The following DISC1 variants were observed in gnomAD, a reference collection of about 807,000 sequenced individuals.
DISC1 encodes the protein DISC1 scaffold protein.
In DISC1, 57 loss-of-function variants were observed where a neutral mutation model predicts 84.5. The observed-to-expected ratio is 0.67, with a 90% CI of 0.55 to 0.84. The LOEUF is 0.84. Ranked by LOEUF, DISC1 falls within the 40% of genes least tolerant of loss-of-function variation. DISC1 has a pLI of 0.00. For synonymous variants in DISC1, 411 were observed against 415.2 expected, an observed-to-expected ratio of 0.99 and a Z score of 0.12; for missense variants, 1,000 against 1,057.8, an observed-to-expected ratio of 0.95 and a Z score of 0.76.
rs76471943 is a variant in DISC1, at chr1:231,699,057, A to G, written c.1048-2898A>G. ...TTTGCGTATGCTTCATGTTCCACAG[A>G]GATTTTTGGGGGGCAAGAACCCAGC... is the stretch of plus-strand genomic sequence containing the variant. On this transcript the variant is annotated intron_variant, in intron 2 of 12. Transcript: ENST00000439617. Among the ~76,000 whole-genome samples, 364 of 152,328 alleles carry G rather than the reference A, an allele frequency of 2.4e-3. 2 individuals carry two copies. Among genetic ancestry groups the G allele is most frequent in the Admixed American group, 0.016 (241 of 15,306 alleles).
chr1:231,938,286 C>G (rs926877569), intron 9 of DISC1, among the ~76,000 whole-genome samples: 1 of 152,142 alleles, frequency 6.6e-6, no homozygotes, highest in Non-Finnish European at 1.5e-5. Context: ...TGAGCCCGTA[C>G]AAGTGGAAGA....
intron 9 of DISC1, among the ~76,000 whole-genome samples, chr1:231,866,252 C>T (rs531775151): frequency 6.6e-6 from 1 of 152,230 alleles, no homozygotes; most frequent in East Asian, 1.9e-4. Context: ...CCCTAGAGAA[C>T]CAGAAGATTT....
rs1047051343 is a variant in DISC1, at chr1:231,782,626, T to A, written c.1634+11556T>A. On this transcript the variant is annotated intron_variant, in intron 6 of 12. Coordinates refer to ENST00000439617, the MANE Select transcript of DISC1 (RefSeq NM_018662.3). ...ATTTAGGAGAAGCAAGAATATATTT[T>A]AAAAATTAGTATTAAATATAAATGC... is the stretch of plus-strand genomic sequence containing the variant. Among the ~76,000 whole-genome samples the A allele has an allele frequency of 4.7e-4, 72 of 152,288 alleles. 1 individual carries two copies. Among genetic ancestry groups the A allele is most frequent in the African/African-American group, 1.6e-3 (65 of 41,564 alleles).
At chr1:231,992,726 C>A (rs1665385114) in intron 10 of DISC1, among the ~76,000 whole-genome samples, 1 of 152,148 alleles carries the variant, frequency 6.6e-6, no homozygotes, top group Non-Finnish European at 1.5e-5. Flanking sequence ...ATTGGGATCA[C>A]TTATAAAAAA....
chr1:231,949,344 G>A (rs1657899465), intron 9 of DISC1, among the ~76,000 whole-genome samples: 1 of 152,172 alleles, frequency 6.6e-6, no homozygotes, highest in South Asian at 2.1e-4. Flanking sequence ...GCATAGTGAG[G>A]CCACTTGGGG....
chr1:231,878,787 C>T (rs1041563673), intron 9 of DISC1, among the ~76,000 whole-genome samples: 2 of 152,148 alleles, frequency 1.3e-5, no homozygotes, highest in African/African-American at 2.4e-5. Flanking sequence ...CCTTCCAAGT[C>T]CTCAGCATGT....
At chr1:231,872,252 ATTCT>A (rs1216512181) in intron 9 of DISC1, among the ~76,000 whole-genome samples, 3 of 151,974 alleles carry the variant, frequency 2.0e-5, no homozygotes, top group Admixed American at 2.0e-4. Context: ...GCTTTCTTTC[ATTCT>A]TTGTTTTTTT....
At position 231,770,899 on chromosome 1, in the gene DISC1, G is replaced by C; in HGVS notation, c.1463G>C (p.Arg488Thr). 1 of 1,614,186 alleles carries C rather than the reference G, an allele frequency of 6.2e-7. No homozygotes were observed. The highest frequency in any genetic ancestry group is 8.5e-7 in the Non-Finnish European group (1 of 1,180,018). Residue 488 changes from arginine to threonine, a missense_variant, in exon 6 of 13, where the codon AGG becomes ACG. Physicochemically the swap from Arg to Thr is moderately conservative, Grantham distance 71. This residue lies in a region of DISC1 where 311 missense variants were observed against 400.1 expected (regional missense o/e 0.78). Transcript: ENST00000439617. ...VLEAKDQQLRREIEEQEQQLQ... is the reference protein window; with the variant it reads ...VLEAKDQQLRTEIEEQEQQLQ... ...GAAGCCAAAGATCAACAGCTGAGAA[G>C]GGAAATAGAGGAGCAAGAGCAGCAA...
chr1:231,979,605 A>G (rs1254087201), intron 10 of DISC1, among the ~76,000 whole-genome samples: 1 of 151,182 alleles, frequency 6.6e-6, no homozygotes, highest in Non-Finnish European at 1.5e-5. Flanking sequence ...TGACATATAT[A>G]TATATATAAA....
intron 9 of DISC1, among the ~76,000 whole-genome samples, chr1:231,886,146 T>A (rs760113310): frequency 6.6e-5 from 10 of 152,180 alleles, no homozygotes; most frequent in African/African-American, 9.7e-5. Flanking sequence ...GGTGCCCCCA[T>A]GACCCAAACA....
chr1:231,639,329 G>A (rs1207886762), intron 1 of DISC1, among the ~76,000 whole-genome samples: 1 of 152,182 alleles, frequency 6.6e-6, no homozygotes, highest in African/African-American at 2.4e-5. Flanking sequence ...TTAATTTGGA[G>A]TGGATTTAGG....
intron 9 of DISC1, chr1:231,866,851 A>G: frequency 1.5e-6 from 1 of 686,130 alleles, no homozygotes. Context: ...TTCTCTGAAC[A>G]CAAGAGGGCG....
chr1:231,970,738 G>C (rs1308533958), intron 10 of DISC1, among the ~76,000 whole-genome samples: 2 of 152,182 alleles, frequency 1.3e-5, no homozygotes, highest in African/African-American at 4.8e-5. Flanking sequence ...TTCCACTGTG[G>C]TTTGCGCAAT....
chr1:231,907,047 C>CTCCTCCCTCCCTCCCTTCCTTCCTT (rs2088738025), intron 9 of DISC1, among the ~76,000 whole-genome samples: 1 of 14,530 alleles, frequency 6.9e-5, no homozygotes, highest in Non-Finnish European at 1.2e-4. Flanking sequence ...CTTTCCCTCC[C>CTCCTCCCTCCCTCCCTTCCTTCCTT]TCCTCCCTCC....
intron 12 of DISC1, among the ~76,000 whole-genome samples, chr1:232,035,722 A>G (rs1255292397): frequency 1.3e-5 from 2 of 152,082 alleles, no homozygotes; most frequent in Admixed American, 6.6e-5. Flanking sequence ...AAGTGGATCA[A>G]TTTGCTTGTT....
intron 1 of DISC1, among the ~76,000 whole-genome samples, chr1:231,658,660 C>G (rs1156708858): frequency 6.6e-6 from 1 of 152,104 alleles, no homozygotes; most frequent in Non-Finnish European, 1.5e-5. Context: ...CCTTCAATAC[C>G]TAGTTTATTG....
At chr1:231,679,364 C>T (rs2063477701) in intron 1 of DISC1, among the ~76,000 whole-genome samples, 1 of 152,236 alleles carries the variant, frequency 6.6e-6, no homozygotes, top group Non-Finnish European at 1.5e-5. Flanking sequence ...CTTCCTGCCT[C>T]CTCTGGCAGA....
chr1:231,673,022 T>TTGATGAGTGACCTC (rs1175413635), intron 1 of DISC1, among the ~76,000 whole-genome samples: 1 of 152,148 alleles, frequency 6.6e-6, no homozygotes, highest in Non-Finnish European at 1.5e-5. Flanking sequence ...TGAAGCTGAG[T>TTGATGAGTGACCTC]TGATGAGTGA....
chr1:231,711,407 T>TG (rs2067824145), intron 3 of DISC1, among the ~76,000 whole-genome samples: 1 of 146,566 alleles, frequency 6.8e-6, no homozygotes, highest in Non-Finnish European at 1.5e-5. Context: ...GTTGCCCAGG[T>TG]GGAGTGCGGT....
Sources: allele counts gnomAD v4.1 joint callset (sites outside exome capture counted in the v4.1 genomes callset), GRCh38; gene constraint gnomAD v4.1.1; regional missense constraint gnomAD v4.1.1; transcripts MANE v1.5; gene names NCBI Gene and HGNC (gene_info 2026-07-23, HGNC 2026-07-21).